LDLRAD4: variants seen among roughly 807,000 people sequenced by gnomAD.
LDLRAD4 encodes the protein low-density lipoprotein receptor class A domain-containing protein 4.
In LDLRAD4, 5 loss-of-function variants were observed where a neutral mutation model predicts 17.0. That is an observed-to-expected ratio of 0.29 (90% CI 0.15 to 0.62). LDLRAD4 has a LOEUF of 0.62. LDLRAD4 is among the 20% of genes least tolerant of loss of function. The pLI is 0.84. For synonymous variants in LDLRAD4, 168 were observed against 171.8 expected, an observed-to-expected ratio of 0.98 and a Z score of 0.17; for missense variants, 340 against 424.7, an observed-to-expected ratio of 0.80 and a Z score of 1.75.
intron 2 of LDLRAD4, among the ~76,000 whole-genome samples, chr18:13,389,190 C>T (rs2086066063): frequency 6.6e-6 from 1 of 152,208 alleles, no homozygotes; most frequent in Non-Finnish European, 1.5e-5. Context: ...CTTCCTCATC[C>T]TTACTGTGTG....
rs1474862120 is a variant in LDLRAD4 at position 13,506,941 on chromosome 18, G to A, written c.181+68557G>A. ...GCGCTGACAGTGACTCTATACAGGA[G>A]TACCTCGCTTTACTGTGCTTCACAG... On this transcript the variant is annotated intron_variant, in intron 3 of 5. Transcript: ENST00000359446. 2.6e-5 allele frequency among the ~76,000 whole-genome samples: 4 copies of A among 152,186 alleles called. No individual in the cohort carries two copies. The South Asian group carries it at 6.2e-4, about 24-fold the overall frequency.
In LDLRAD4 at chr18:13,398,612, C is replaced by T. The variant is rs193092104; in HGVS notation, c.40+10850C>T. On this transcript the variant is annotated intron_variant, in intron 2 of 5. Coordinates refer to ENST00000359446, the Ensembl canonical transcript of LDLRAD4. The surrounding 1 kb of genome is among the most constrained non-coding windows in gnomAD (Gnocchi z 4.8). Reference sequence around the variant, plus strand: ...TCAGTTTTGGCTTAAGGACAGGTTTCGAAGGAGATGGGCGGCCCCTCCCTC... The same window carrying T: ...TCAGTTTTGGCTTAAGGACAGGTTTTGAAGGAGATGGGCGGCCCCTCCCTC... Among the ~76,000 whole-genome samples the T allele has an allele frequency of 4.9e-4, 75 of 152,134 alleles. No homozygotes were observed. Among genetic ancestry groups the T allele is most frequent in the African/African-American group, 1.6e-3 (68 of 41,520 alleles).
chr18:13,529,752 G>A (rs1405203748), intron 3 of LDLRAD4, among the ~76,000 whole-genome samples: 1 of 152,228 alleles, frequency 6.6e-6, no homozygotes, highest in Non-Finnish European at 1.5e-5. Flanking sequence ...AATAATGTGT[G>A]CACAGAAGAC....
intron 5 of LDLRAD4, chr18:13,644,800 A>C (rs1326814278): frequency 3.4e-6 from 1 of 295,594 alleles, no homozygotes; most frequent in African/African-American, 2.2e-5. Context: ...TGGAGTTCCT[A>C]GTGTGTTCTG....
intron 1 of LDLRAD4, among the ~76,000 whole-genome samples, chr18:13,245,104 C>G (rs2042890637): frequency 6.6e-6 from 1 of 152,122 alleles, no homozygotes; most frequent in African/African-American, 2.4e-5. Flanking sequence ...GGAGCTGTGC[C>G]TGAGTCAGCG....
intron 2 of LDLRAD4, among the ~76,000 whole-genome samples, chr18:13,422,786 A>G (rs1025837658): frequency 6.6e-6 from 1 of 152,186 alleles, no homozygotes; most frequent in Non-Finnish European, 1.5e-5. Flanking sequence ...CCAGCAACAG[A>G]TCTGTTTTTT....
chr18:13,590,286 T>C (rs1173723607), intron 3 of LDLRAD4, among the ~76,000 whole-genome samples: 2 of 130,250 alleles, frequency 1.5e-5, no homozygotes, highest in African/African-American at 3.0e-5. Flanking sequence ...ATATGGAGTG[T>C]GGGGGAGATA....
intron 1 of LDLRAD4, among the ~76,000 whole-genome samples, chr18:13,270,108 A>C (rs147195511): frequency 1.3e-5 from 2 of 152,138 alleles, no homozygotes; most frequent in African/African-American, 4.8e-5. Context: ...CACATCTGAC[A>C]TCTTAGCACT....
intron 3 of LDLRAD4, among the ~76,000 whole-genome samples, chr18:13,586,592 G>C (rs1009146532): frequency 6.6e-6 from 1 of 151,646 alleles, no homozygotes. Context: ...TGACTTTAAG[G>C]CAAGTCAATC....
At chr18:13,648,267 G>A (rs1210831500) in exon 6 of LDLRAD4, 1 of 152,216 alleles carries the variant, frequency 6.6e-6, no homozygotes, top group African/African-American at 2.4e-5. Context: ...GTATTGGCGA[G>A]ATAATTACAT....
intron 1 of LDLRAD4, among the ~76,000 whole-genome samples, chr18:13,239,058 A>G (rs1160332402): frequency 6.6e-6 from 1 of 151,940 alleles, no homozygotes; most frequent in Non-Finnish European, 1.5e-5. Flanking sequence ...GTGGTGGCGC[A>G]CACCTGTAAT....
intron 1 of LDLRAD4, among the ~76,000 whole-genome samples, chr18:13,299,070 G>A (rs2146536336): frequency 6.6e-6 from 1 of 152,340 alleles, no homozygotes; most frequent in Middle Eastern, 3.4e-3. Context: ...AGGTGTTGAT[G>A]TCCTTGGAAA....
chr18:13,585,147 C>T (rs1189239073), intron 3 of LDLRAD4, among the ~76,000 whole-genome samples: 1 of 152,224 alleles, frequency 6.6e-6, no homozygotes, highest in Non-Finnish European at 1.5e-5. Context: ...ACATGATTTC[C>T]ATAGCACCCA....
chr18:13,450,265 T>G (rs1303294570), intron 3 of LDLRAD4, among the ~76,000 whole-genome samples: 1 of 150,802 alleles, frequency 6.6e-6, no homozygotes, highest in Non-Finnish European at 1.5e-5. Context: ...GCTCTCATGT[T>G]AGGAGACGTT....
intron 3 of LDLRAD4, among the ~76,000 whole-genome samples, chr18:13,438,850 T>A (rs2090839056): frequency 6.6e-6 from 1 of 152,236 alleles, no homozygotes; most frequent in Non-Finnish European, 1.5e-5. Flanking sequence ...TGAGTGAGGT[T>A]TTGACATGTG....
intron 4 of LDLRAD4, among the ~76,000 whole-genome samples, chr18:13,625,350 T>C (rs2041035801): frequency 6.6e-6 from 1 of 152,064 alleles, no homozygotes; most frequent in Non-Finnish European, 1.5e-5. Context: ...CTTGGGGCAA[T>C]AGGATGGGAG....
chr18:13,491,039 CG>C (rs1568244689), intron 3 of LDLRAD4, among the ~76,000 whole-genome samples: 1 of 152,144 alleles, frequency 6.6e-6, no homozygotes, highest in Non-Finnish European at 1.5e-5. Flanking sequence ...GTGGCCAAGT[CG>C]TCTCTGCTCC....
chr18:13,626,216 C>T (rs750252366), intron 4 of LDLRAD4, among the ~76,000 whole-genome samples: 1 of 152,086 alleles, frequency 6.6e-6, no homozygotes, highest in African/African-American at 2.4e-5. Context: ...TTCTTTGGAG[C>T]CTGGTTTGTG....
At chr18:13,468,822 G>A (rs1453550674) in intron 3 of LDLRAD4, among the ~76,000 whole-genome samples, 1 of 143,274 alleles carries the variant, frequency 7.0e-6, no homozygotes, top group Admixed American at 7.3e-5. Context: ...GACACAGGAA[G>A]GGGAACATCA....
Sources: allele counts gnomAD v4.1 joint callset (sites outside exome capture counted in the v4.1 genomes callset), GRCh38; gene constraint gnomAD v4.1.1; non-coding constraint Gnocchi (gnomAD v3.1); transcripts MANE v1.5; gene names NCBI Gene and HGNC (gene_info 2026-07-23, HGNC 2026-07-21).